Variants in SLC9A2 observed in about 807,000 individuals in gnomAD.
The protein encoded by SLC9A2 is solute carrier family 9 member A2.
In SLC9A2, 42 loss-of-function variants were observed where a neutral mutation model predicts 71.7. That is an observed-to-expected ratio of 0.59 (90% confidence interval 0.46 to 0.76). The LOEUF (loss-of-function observed/expected upper bound fraction) is 0.76, where lower values mean the gene tolerates loss of function less well. SLC9A2 is among the 30% of genes least tolerant of loss of function. SLC9A2 has a pLI of 0.00. For synonymous variants in SLC9A2, 396 were observed against 392.5 expected, an observed-to-expected ratio of 1.01 and a Z score of -0.10; for missense variants, 829 against 1,017.4, an observed-to-expected ratio of 0.81 and a Z score of 2.52.
chr2:102,654,447 A>T (rs1676898935), intron 1 of SLC9A2, among the ~76,000 whole-genome samples: 2 of 152,122 alleles, frequency 1.3e-5, no homozygotes, highest in African/African-American at 4.8e-5. Flanking sequence ...ATAAATATTA[A>T]AATAAAGCTA....
intron 5 of SLC9A2, among the ~76,000 whole-genome samples, chr2:102,686,160 T>C (rs1401504102): frequency 6.6e-6 from 1 of 152,246 alleles, no homozygotes; most frequent in Non-Finnish European, 1.5e-5. Context: ...TTAATTCATT[T>C]AACCCTCATA....
intron 3 of SLC9A2, among the ~76,000 whole-genome samples, chr2:102,671,514 A>G (rs1255090928): frequency 6.6e-6 from 1 of 152,242 alleles, no homozygotes; most frequent in East Asian, 1.9e-4. Context: ...TCTATTGTAT[A>G]ACTTTGCCTG....
At chr2:102,638,463 C>T (rs368794954) in intron 1 of SLC9A2, among the ~76,000 whole-genome samples, 6 of 152,154 alleles carry the variant, frequency 3.9e-5, no homozygotes, top group African/African-American at 4.8e-5. Context: ...TGCTTCCCAC[C>T]TTGAATAAGA....
At chr2:102,660,918 A>G (rs1677036475) in intron 2 of SLC9A2, among the ~76,000 whole-genome samples, 2 of 152,240 alleles carry the variant, frequency 1.3e-5, no homozygotes, top group African/African-American at 4.8e-5. Context: ...GATGGGTAAC[A>G]TGGTAGGTTA....
At chr2:102,634,337 C>T (rs1377902011) in intron 1 of SLC9A2, among the ~76,000 whole-genome samples, 1 of 152,190 alleles carries the variant, frequency 6.6e-6, no homozygotes, top group African/African-American at 2.4e-5. Flanking sequence ...TGTCCAAAAT[C>T]CCAGCCCTGC....
Position 102,683,492 on chromosome 2 carries a change from G to A in SLC9A2, c.1222+14G>A, listed in dbSNP as rs1214630145. ...GGCGAGCCCTGGGTAATGAGTGCTTGTTTGCTAACTGGACATATGTAACAC... is the reference window on the plus strand; with the variant it reads ...GGCGAGCCCTGGGTAATGAGTGCTTATTTGCTAACTGGACATATGTAACAC... On this transcript the variant is annotated intron_variant, in intron 4 of 11. Coordinates refer to ENST00000233969, the MANE Select transcript of SLC9A2 (RefSeq NM_003048.6). The A allele has an allele frequency of 1.2e-6, 2 of 1,602,360 alleles. No individual in the cohort carries two copies. The highest frequency in any genetic ancestry group is 2.2e-5 in the South Asian group (2 of 90,772).
At chr2:102,633,380 G>A (rs898728438) in intron 1 of SLC9A2, among the ~76,000 whole-genome samples, 5 of 152,096 alleles carry the variant, frequency 3.3e-5, no homozygotes, top group Admixed American at 2.0e-4. Flanking sequence ...TCACACTTCC[G>A]GTGTGGTCTC....
intron 5 of SLC9A2, among the ~76,000 whole-genome samples, chr2:102,689,478 G>A (rs1677618558): frequency 6.6e-6 from 1 of 150,460 alleles, no homozygotes; most frequent in Non-Finnish European, 1.5e-5. Flanking sequence ...TCTCCAACTG[G>A]AATGATGATG....
chr2:102,694,818 A>G (rs1401356854), intron 6 of SLC9A2, among the ~76,000 whole-genome samples: 2 of 152,236 alleles, frequency 1.3e-5, no homozygotes, highest in Admixed American at 6.5e-5. Flanking sequence ...TTATTAACAA[A>G]CTTATAGGTG....
At chr2:102,665,379 A>G (rs751065489) in intron 3 of SLC9A2, 29 bp downstream of exon 3, 1 of 1,589,134 alleles carries the variant, frequency 6.3e-7, no homozygotes, top group Non-Finnish European at 8.6e-7. Flanking sequence ...AAAGTGCTCG[A>G]TGATGGCATT....
At chr2:102,639,594 C>A (rs1676534151) in intron 1 of SLC9A2, among the ~76,000 whole-genome samples, 1 of 152,210 alleles carries the variant, frequency 6.6e-6, no homozygotes, top group African/African-American at 2.4e-5. Context: ...GTGAACAATT[C>A]AGTGGCATTG....
At chr2:102,686,026 G>A (rs747400006) in intron 5 of SLC9A2, among the ~76,000 whole-genome samples, 6 of 152,268 alleles carry the variant, frequency 3.9e-5, no homozygotes, top group African/African-American at 7.2e-5. Context: ...AAGAATGAGC[G>A]ATCGGTAAAA....
intron 5 of SLC9A2, among the ~76,000 whole-genome samples, chr2:102,693,050 G>A (rs1331578108): frequency 2.7e-5 from 4 of 150,410 alleles, no homozygotes; most frequent in Admixed American, 6.6e-5. Context: ...GTATATACTA[G>A]TATTTTATAT....
chr2:102,645,616 A>G (rs1676707468), intron 1 of SLC9A2, among the ~76,000 whole-genome samples: 1 of 152,090 alleles, frequency 6.6e-6, no homozygotes, highest in African/African-American at 2.4e-5. Flanking sequence ...AAATGACCTG[A>G]TGGAGCTGAA....
At chr2:102,660,387 T>A (rs981789869) in intron 2 of SLC9A2, among the ~76,000 whole-genome samples, 1 of 152,216 alleles carries the variant, frequency 6.6e-6, no homozygotes, top group Non-Finnish European at 1.5e-5. Flanking sequence ...GGTAACTTAC[T>A]TGCCCTGGCT....
chr2:102,686,320 T>C (rs1173296865), intron 5 of SLC9A2: 1 of 152,216 alleles, frequency 6.6e-6, no homozygotes, highest in Non-Finnish European at 1.5e-5. Context: ...CTATTTGCTT[T>C]TGACCCTGAA....
intron 7 of SLC9A2, among the ~76,000 whole-genome samples, chr2:102,695,799 A>ATATAATATATATTATATATATATT (rs1677751798): frequency 2.6e-5 from 2 of 77,072 alleles, no homozygotes; most frequent in Admixed American, 3.2e-4. Flanking sequence ...TTATATATAT[A>ATATAATATATATTATATATATATT]TTATATATAT....
chr2:102,660,276 A>G (rs1354482357), intron 2 of SLC9A2, among the ~76,000 whole-genome samples: 1 of 152,236 alleles, frequency 6.6e-6, no homozygotes, highest in African/African-American at 2.4e-5. Flanking sequence ...AGACAGAGCA[A>G]GGCCCTGGCT....
At position 102,708,458 on chromosome 2, in the gene SLC9A2, G is replaced by T; in HGVS notation, c.2408G>T (p.Arg803Leu). Residue 803 changes from arginine to leucine, a missense_variant, in exon 12 of 12, where the codon CGG becomes CTG. By Grantham distance (102) the Arg-to-Leu change is moderately radical (BLOSUM62 -2). Transcript: ENST00000233969. ...TGGAGGGCATCGGAACCTGGAAGCC[G>T]GAAAGCCCGATTTGGGAGTGAGAAG... is the stretch of plus-strand genomic sequence containing the variant. ...LVWRASEPGS[R>L]KARFGSEKP The T allele has an allele frequency of 1.9e-6, 3 of 1,614,116 alleles. No homozygotes were observed. Among genetic ancestry groups the T allele is most frequent in the Non-Finnish European group, 2.5e-6 (3 of 1,180,014 alleles).
Sources: allele counts gnomAD v4.1 joint callset (sites outside exome capture counted in the v4.1 genomes callset), GRCh38; gene constraint gnomAD v4.1.1; transcripts MANE v1.5; gene names NCBI Gene and HGNC (gene_info 2026-07-23, HGNC 2026-07-21).